PHACTR2: variants seen among roughly 807,000 people sequenced by gnomAD.
PHACTR2 encodes the protein chromosome 6 open reading frame 56.
PHACTR2 carries 30 observed loss-of-function variants against 76.0 expected under a neutral mutation model. The observed-to-expected ratio is 0.39, with a 90% CI of 0.30 to 0.54. The LOEUF (loss-of-function observed/expected upper bound fraction) is 0.54. PHACTR2 is among the 20% of genes least tolerant of loss of function. The pLI is 0.61. For synonymous variants in PHACTR2, 292 were observed against 292.5 expected (o/e 1.00, Z 0.02); for missense variants, 696 against 781.1 (o/e 0.89, Z 1.30).
At chr6:143,729,308 A>T (rs1778649465) in intron 2 of PHACTR2, among the ~76,000 whole-genome samples, 1 of 152,102 alleles carries the variant, frequency 6.6e-6, no homozygotes, top group Non-Finnish European at 1.5e-5. Context: ...TTTCATTCTT[A>T]TAACAGTACC....
At chr6:143,605,725 G>A (rs1419366395), upstream of PHACTR2, among the ~76,000 whole-genome samples, 1 of 151,884 alleles carries the variant, frequency 6.6e-6, no homozygotes, top group Non-Finnish European at 1.5e-5. The surrounding 1 kb of genome is among the most constrained non-coding windows in gnomAD (Gnocchi z 5.0). Flanking sequence ...TCTCTTAGTG[G>A]AGATGTTTAA....
In PHACTR2 at chr6:143,753,740, C is replaced by A. The variant is rs201294917; in HGVS notation, c.296-14C>A. On this transcript the variant is annotated splice_polypyrimidine_tract_variant and intron_variant, in intron 3 of 12. Coordinates refer to ENST00000440869, the MANE Select transcript of PHACTR2 (RefSeq NM_001100164.2). This position sits in a 1 kb window ranked among gnomAD's most constrained non-coding sequence, Gnocchi z 4.6. The stretch of plus-strand genomic sequence containing the variant: ...CAGCAAGTTAGACATCTAGGTGTTT[C>A]TTTCCCATTTTAGATGGAGATGTAA... The A allele has an allele frequency of 1.9e-6, 3 of 1,572,100 alleles. No homozygotes were observed. Among genetic ancestry groups the A allele is most frequent in the African/African-American group, 2.7e-5 (2 of 72,750 alleles).
chr6:143,711,150 T>C, intron 1 of PHACTR2: 1 of 417,064 alleles, frequency 2.4e-6, no homozygotes, highest in South Asian at 1.8e-5. Flanking sequence ...TCCCTCAAGT[T>C]TCTTCTCAGG....
At position 143,663,134 on chromosome 6, in the gene PHACTR2, C is replaced by T. The variant is rs1282928515; in HGVS notation, c.14-48882C>T. ...CCACTAATGAGCACCTAGGTTGATT[C>T]CATGTCTCTGCTATTGTGAATAGCA... On this transcript the variant is annotated intron_variant, in intron 1 of 11. Coordinates refer to the PHACTR2 transcript ENST00000305766. The surrounding 1 kb of genome is among the most constrained non-coding windows in gnomAD (Gnocchi z 4.1). 1.3e-5 allele frequency among the ~76,000 whole-genome samples: 2 copies of T among 152,106 alleles called. No individual in the cohort carries two copies. The highest frequency in any genetic ancestry group is 2.1e-4 in the South Asian group (1 of 4,824).
chr6:143,551,944 A>G (rs1486131833), intron 1 of PHACTR2, among the ~76,000 whole-genome samples: 2 of 152,230 alleles, frequency 1.3e-5, no homozygotes, highest in Non-Finnish European at 2.9e-5. Context: ...CTTTGTTCAC[A>G]TGAAAAATTA....
Position 143,592,028 on chromosome 6 carries a change from G to A in PHACTR2, c.217+54821G>A, listed in dbSNP as rs9496694. 0.42 allele frequency among the ~76,000 whole-genome samples: 63,886 copies of A among 151,970 alleles called. 13,860 individuals carry two copies. The highest frequency in any genetic ancestry group is 0.46 in the African/African-American group (19,166 of 41,414). ...GACAGAAGTGCATTTGTGGATATGA[G>A]AGGTGCATGCAGACTCTGACACAAT... On this transcript the variant is annotated intron_variant, in intron 1 of 11. Transcript: ENST00000367584. This position sits in a 1 kb window ranked among gnomAD's most constrained non-coding sequence, Gnocchi z 4.0.
In PHACTR2 at chr6:143,808,223, G is replaced by A. The variant is rs894118341; in HGVS notation, c.1922+1090G>A. Among the ~76,000 whole-genome samples, 6 of 151,060 alleles carry A rather than the reference G, an allele frequency of 4.0e-5. 1 individual carries two copies. Among genetic ancestry groups the A allele is most frequent in the Admixed American group, 2.0e-4 (3 of 15,104 alleles). ...CAGCTTACTGCAACCTCCACCTCCCGGGTTCAAGCGATTCTCCTGTGTCAG... is the reference window on the plus strand; with the variant it reads ...CAGCTTACTGCAACCTCCACCTCCCAGGTTCAAGCGATTCTCCTGTGTCAG... On this transcript the variant is annotated intron_variant, in intron 12 of 12. Coordinates refer to ENST00000440869, the MANE Select transcript of PHACTR2 (RefSeq NM_001100164.2).
At chr6:143,716,061 G>C (rs1778294000) in intron 2 of PHACTR2, among the ~76,000 whole-genome samples, 1 of 152,178 alleles carries the variant, frequency 6.6e-6, no homozygotes, top group Non-Finnish European at 1.5e-5. Context: ...CCTACGAGGG[G>C]AACCTGACCT....
At position 143,783,340 on chromosome 6, in the gene PHACTR2, A is replaced by T. The variant is rs975639669; in HGVS notation, c.1707+60A>T. The stretch of plus-strand genomic sequence containing the variant: ...TTTTGAGATATACTTTTAAAAAAAA[A>T]TACTAATCCTCTCTGTATGTGTAAA... On this transcript the variant is annotated intron_variant, in intron 10 of 12. Transcript: ENST00000440869. This position sits in a 1 kb window ranked among gnomAD's most constrained non-coding sequence, Gnocchi z 5.2. 16 of 924,006 alleles carry T rather than the reference A, an allele frequency of 1.7e-5. No homozygotes were observed. Among genetic ancestry groups the T allele is most frequent in the African/African-American group, 4.9e-5 (3 of 60,778 alleles). 57.2% of individuals were successfully genotyped at this position (924,006 alleles called of 1,614,324 possible). A position where few individuals can be genotyped will look rare whatever the true frequency, so the allele number is the denominator to read the frequency against.
At chr6:143,728,334 C>T (rs1199484656) in intron 2 of PHACTR2, among the ~76,000 whole-genome samples, 3 of 150,974 alleles carry the variant, frequency 2.0e-5, no homozygotes, top group African/African-American at 7.3e-5. Context: ...ACCTCAGCCT[C>T]CCGAGTAGCT....
intron 1 of PHACTR2, among the ~76,000 whole-genome samples, chr6:143,667,928 G>A (rs1436158668): frequency 4.6e-5 from 7 of 152,200 alleles, no homozygotes; most frequent in African/African-American, 1.7e-4. Context: ...TTGAATAGGA[G>A]TGGTGAGAGA....
intron 1 of PHACTR2, among the ~76,000 whole-genome samples, chr6:143,644,280 A>T (rs1319545341): frequency 6.6e-6 from 1 of 152,132 alleles, no homozygotes. Flanking sequence ...ATCCTGGCTA[A>T]CACGGTGAAA....
intron 2 of PHACTR2, among the ~76,000 whole-genome samples, chr6:143,741,020 G>A (rs1378703134): frequency 2.0e-5 from 3 of 152,226 alleles, no homozygotes; most frequent in Non-Finnish European, 4.4e-5. Flanking sequence ...GGCTGAGGCA[G>A]GCGGATCACT....
chr6:143,737,148 T>C (rs927047027), intron 2 of PHACTR2, among the ~76,000 whole-genome samples: 1 of 151,608 alleles, frequency 6.6e-6, no homozygotes, highest in Non-Finnish European at 1.5e-5. Context: ...GATATTTATT[T>C]TATACCTTTC....
Position 143,544,267 on chromosome 6 carries a change from C to CA in PHACTR2, c.217+7060_217+7061insA, listed in dbSNP as rs1562679281. Reference sequence around the variant, plus strand: ...GGGAGGGAGTGGGAAGGAAGGAAGGCGGGCAGGCTCCCATATCAAATAAAA... The same window carrying CA: ...GGGAGGGAGTGGGAAGGAAGGAAGGCAGGGCAGGCTCCCATATCAAATAAAA... On this transcript the variant is annotated intron_variant, in intron 1 of 11. Coordinates refer to the PHACTR2 transcript ENST00000367584. 1.4e-4 allele frequency among the ~76,000 whole-genome samples: 21 copies of CA among 152,044 alleles called. No individual in the cohort carries two copies. In the East Asian group the frequency reaches 3.1e-3, roughly 22 times the overall value.
At position 143,807,821 on chromosome 6, in the gene PHACTR2, G is replaced by A. The variant is rs912713451; in HGVS notation, c.1922+688G>A. ...GTTACCTAACCCGGTAACAAATATT[G>A]ATCCCCTAAGCTACAGCCATACATC... On this transcript the variant is annotated intron_variant, in intron 12 of 12. Transcript: ENST00000440869. The surrounding 1 kb of genome is among the most constrained non-coding windows in gnomAD (Gnocchi z 5.5). 6.6e-6 allele frequency among the ~76,000 whole-genome samples: 1 copy of A among 152,076 alleles called. No individual in the cohort carries two copies. The highest frequency in any genetic ancestry group is 2.4e-5 in the African/African-American group (1 of 41,414).
intron 1 of PHACTR2, among the ~76,000 whole-genome samples, chr6:143,620,677 T>C (rs754158564): frequency 6.6e-6 from 1 of 152,124 alleles, no homozygotes; most frequent in Non-Finnish European, 1.5e-5. Context: ...ACATATAAAA[T>C]CCATGTCTGC....
chr6:143,614,742 C>G (rs1394563734), intron 1 of PHACTR2, among the ~76,000 whole-genome samples: 1 of 152,070 alleles, frequency 6.6e-6, no homozygotes, highest in African/African-American at 2.4e-5. Flanking sequence ...CTTTCCTTGC[C>G]TCTAACCTTT....
At position 143,782,220 on chromosome 6, in the gene PHACTR2, C is replaced by A. The variant is rs184551485; in HGVS notation, c.1646-999C>A. Among the ~76,000 whole-genome samples, 1 of 151,736 alleles carries A rather than the reference C, an allele frequency of 6.6e-6. No individual in the cohort carries two copies. The highest frequency in any genetic ancestry group is 1.9e-4 in the East Asian group (1 of 5,202). On this transcript the variant is annotated intron_variant, in intron 9 of 12. Transcript: ENST00000440869. This position sits in a 1 kb window ranked among gnomAD's most constrained non-coding sequence, Gnocchi z 4.6. ...TAGCCTGGGTGACAGAGCGAGAATC[C>A]GTTTCAAAAAATAAAATAAAAATAA...
Sources: allele counts gnomAD v4.1 joint callset (sites outside exome capture counted in the v4.1 genomes callset), GRCh38; gene constraint gnomAD v4.1.1; non-coding constraint Gnocchi (gnomAD v3.1); transcripts MANE v1.5; gene names NCBI Gene and HGNC (gene_info 2026-07-23, HGNC 2026-07-21).